Variants in OGFOD1 observed in about 807,000 individuals in gnomAD.
OGFOD1 encodes the protein prolyl 3-hydroxylase OGFOD1.
OGFOD1 carries 54 observed loss-of-function variants against 67.7 expected under a neutral mutation model. The ratio of observed to expected loss-of-function variants is 0.80; its 90% CI spans 0.64 to 1.00. The LOEUF (loss-of-function observed/expected upper bound fraction) is 1.00. OGFOD1 is among the 50% of genes least tolerant of loss of function. The pLI is 0.00. For synonymous variants in OGFOD1, 221 were observed against 227.0 expected (o/e 0.97, Z 0.24); for missense variants, 606 against 646.7 (o/e 0.94, Z 0.68).
intron 10 of OGFOD1, among the ~76,000 whole-genome samples, chr16:56,471,379 A>G (rs938409552): frequency 6.6e-6 from 1 of 151,982 alleles, no homozygotes; most frequent in Non-Finnish European, 1.5e-5. Context: ...AAAAAAAAAA[A>G]AGAAATGACT....
intron 1 of OGFOD1, among the ~76,000 whole-genome samples, chr16:56,452,806 C>T (rs2143960153): frequency 6.6e-6 from 1 of 151,976 alleles, no homozygotes; most frequent in African/African-American, 2.4e-5. Flanking sequence ...TGGTTATGCC[C>T]GAACTGAACT....
chr16:56,457,243 A>G (rs76730256), intron 2 of OGFOD1, among the ~76,000 whole-genome samples: 2,942 of 152,384 alleles, frequency 0.019, 100 homozygotes, highest in African/African-American at 0.066. Flanking sequence ...ATTAAAAGGA[A>G]TGACGTACTG....
intron 1 of OGFOD1, 90 bp from the exon 2 acceptor site, chr16:56,453,173 C>A: frequency 7.5e-7 from 1 of 1,341,504 alleles, no homozygotes; most frequent in Non-Finnish European, 1.0e-6. Context: ...AAATTCATGA[C>A]CATCCCCTTT....
intron 3 of OGFOD1, among the ~76,000 whole-genome samples, chr16:56,460,156 A>G (rs1175008047): frequency 6.6e-6 from 1 of 152,220 alleles, no homozygotes; most frequent in African/African-American, 2.4e-5. Context: ...TTAAGGCATT[A>G]TCCCCTTAGT....
In OGFOD1 at chr16:56,467,239, GC is replaced by G. The variant is rs1408686583; in HGVS notation, c.734del (p.Pro245LeufsTer51). On this transcript the variant is annotated frameshift_variant, in exon 7 of 13. Transcript: ENST00000566157. LOFTEE classifies it high-confidence loss of function. Reference sequence around the variant, plus strand: ...GGTTTCATGGTCCATCATTGACTCGGCCTCCCAACTACTTTGAACCCCCCAT... The same window carrying G: ...GGTTTCATGGTCCATCATTGACTCGGCTCCCAACTACTTTGAACCCCCCAT... ...GWFHGPSLTR[P>X]PNYFEPPIPR... 6.2e-7 allele frequency: 1 copy of G among 1,613,798 alleles called. No individual in the cohort carries two copies. Among genetic ancestry groups the G allele is most frequent in the African/African-American group, 1.3e-5 (1 of 74,832 alleles).
At chr16:56,475,091 A>AT in intron 11 of OGFOD1, 141 bp downstream of exon 11, 2 of 846,744 alleles carry the variant, frequency 2.4e-6, no homozygotes, top group South Asian at 3.6e-5. Context: ...AGTCAAAGGG[A>AT]TTTTACGGGT....
chr16:56,466,966 A>G lies in OGFOD1; in HGVS notation c.656A>G (p.Gln219Arg). ...FFEVSPVSFH[Q>R]VSEVLSEEKS... Reference sequence around the variant, plus strand: ...GAAGTATCTCCTGTGTCCTTTCACCAGGTAAAGACTGTAAGCCACAAATAG... The same window carrying G: ...GAAGTATCTCCTGTGTCCTTTCACCGGGTAAAGACTGTAAGCCACAAATAG... The change falls in exon 6 of 13, where the codon CAG becomes CGG. Residue 219 changes from glutamine (Q) to arginine (R), a missense_variant and splice_region_variant. By Grantham distance (43) the Gln-to-Arg change is conservative (BLOSUM62 1). Transcript: ENST00000566157. The G allele has an allele frequency of 6.2e-7, 1 of 1,606,334 alleles. No homozygotes were observed.
At position 56,453,342 on chromosome 16, in the gene OGFOD1, G is replaced by C; in HGVS notation, c.234G>C (p.Gly78=). 1 of 1,614,102 alleles carries C rather than the reference G, an allele frequency of 6.2e-7. No individual in the cohort carries two copies. The highest frequency in any genetic ancestry group is 8.5e-7 in the Non-Finnish European group (1 of 1,179,988). The change falls in exon 2 of 13, where the codon GGG becomes GGC. Residue 78 remains glycine, a synonymous_variant. Transcript: ENST00000566157. ...TCCAAAGCCAAGACTTCTTAGAAGG[G>C]CTTCAGAAGGAACTGATGAACTTGG... ...NFIQSQDFLE[G]LQKELMNLDF... is the part of the protein sequence containing the mutation.
intron 9 of OGFOD1, 84 bp from the exon 10 acceptor site, chr16:56,470,403 T>TA: frequency 8.1e-7 from 1 of 1,239,904 alleles, no homozygotes; most frequent in Non-Finnish European, 1.1e-6. Context: ...GGAAGAGAGG[T>TA]ACAAAGCTAA....
At chr16:56,473,024 G>A (rs1435804218) in intron 10 of OGFOD1, among the ~76,000 whole-genome samples, 5 of 152,112 alleles carry the variant, frequency 3.3e-5, no homozygotes, top group Admixed American at 6.5e-5. Flanking sequence ...TCCGTCTTCC[G>A]GGTTCAAGCG....
At chr16:56,459,649 A>G (rs1204971206) in intron 3 of OGFOD1, among the ~76,000 whole-genome samples, 1 of 152,186 alleles carries the variant, frequency 6.6e-6, no homozygotes, top group Non-Finnish European at 1.5e-5. Flanking sequence ...ACTTTAATTG[A>G]CAGCATTTTT....
Position 56,476,090 on chromosome 16 carries a change from G to A in OGFOD1, c.1514G>A (p.Arg505Lys). ...PESNSLALVY[R>K]DRETLKFVKH... ...AGCAATTCTTTGGCATTGGTCTACAGAGACAGAGAGACTCTGAAATTTGTC... is the reference window on the plus strand; with the variant it reads ...AGCAATTCTTTGGCATTGGTCTACAAAGACAGAGAGACTCTGAAATTTGTC... The change falls in exon 13 of 13, where the codon AGA becomes AAA. Residue 505 changes from arginine (R) to lysine (K), a missense_variant. Arg to Lys is a conservative substitution (Grantham distance 26, BLOSUM62 2). Coordinates refer to ENST00000566157, the MANE Select transcript of OGFOD1 (RefSeq NM_018233.4). 6.2e-7 allele frequency: 1 copy of A among 1,613,940 alleles called. No homozygotes were observed. The highest frequency in any genetic ancestry group is 1.3e-5 in the African/African-American group (1 of 75,046).
rs1962749114 is a variant in OGFOD1, at chr16:56,462,597, AACC to A, written c.413_415del (p.Thr138del). The stretch of plus-strand genomic sequence containing the variant: ...ATATTTCTAAAATTGACCTGGAATC[AACC>A]ATTGACATGTCCTGTGCTAAATATG... On this transcript the variant is annotated inframe_deletion, in exon 4 of 13. Coordinates refer to ENST00000566157, the MANE Select transcript of OGFOD1 (RefSeq NM_018233.4). 1 of 1,612,292 alleles carries A rather than the reference AACC, an allele frequency of 6.2e-7. No individual in the cohort carries two copies. The highest frequency in any genetic ancestry group is 2.2e-5 in the East Asian group (1 of 44,848).
At chr16:56,462,747 C>T (rs1191842320) in intron 4 of OGFOD1, 113 bp downstream of exon 4, 2 of 652,684 alleles carry the variant, frequency 3.1e-6, no homozygotes. Context: ...TGCAAAGCAT[C>T]CGGATCTTCC....
chr16:56,453,275 T>C lies in OGFOD1; in HGVS notation c.167T>C (p.Met56Thr). 6.2e-7 allele frequency: 1 copy of C among 1,608,078 alleles called. No individual in the cohort carries two copies. The highest frequency in any genetic ancestry group is 8.5e-7 in the Non-Finnish European group (1 of 1,178,532). ...RTPFSHEVIV[M>T]DMDPFLHCVI... ...TTTCTTCCAACAGAAGTCATTGTCA[T>C]GGACATGGACCCTTTTCTTCACTGT... is the stretch of plus-strand genomic sequence containing the variant. Residue 56 changes from methionine to threonine, a missense_variant, in exon 2 of 13, where the codon ATG (methionine) becomes ACG (threonine). Coordinates refer to ENST00000566157, the MANE Select transcript of OGFOD1 (RefSeq NM_018233.4).
intron 4 of OGFOD1, 25 bp downstream of exon 4, chr16:56,462,659 C>A: frequency 1.5e-6 from 2 of 1,366,000 alleles, no homozygotes; most frequent in South Asian, 1.2e-5. Context: ...GGCCTGGTGT[C>A]TGTAAGATAT....
chr16:56,463,491 C>T lies in OGFOD1; in HGVS notation c.448+857C>T, dbSNP rs558550432. ...AGGCTGGAATGCAGTGGCGTGATCT[C>T]GGCCCACTGCATCCTCCACCTCCCG... is the stretch of plus-strand genomic sequence containing the variant. On this transcript the variant is annotated intron_variant, in intron 4 of 12. Transcript: ENST00000566157. 4.3e-5 allele frequency among the ~76,000 whole-genome samples: 6 copies of T among 140,096 alleles called. No homozygotes were observed. In the South Asian group the frequency reaches 7.1e-4, roughly 17 times the overall value. The allele number at this position is 140,096 out of a possible 152,430, so 91.9% of individuals were successfully genotyped here.
chr16:56,465,632 C>A (rs1962869170), intron 4 of OGFOD1: 2 of 153,284 alleles, frequency 1.3e-5, no homozygotes, highest in African/African-American at 4.8e-5. Context: ...GATCCATGTA[C>A]AATAATGTTC....
In OGFOD1 at chr16:56,474,782, A is replaced by T. The variant is rs753873728; in HGVS notation, c.1286-46A>T. Reference sequence around the variant, plus strand: ...GATTCCCTTGCAATCCAACAGTTCTATCAAGGTTATTTTTTAAAGTTTCTC... The same window carrying T: ...GATTCCCTTGCAATCCAACAGTTCTTTCAAGGTTATTTTTTAAAGTTTCTC... On this transcript the variant is annotated intron_variant, in intron 10 of 12. Coordinates refer to ENST00000566157, the MANE Select transcript of OGFOD1 (RefSeq NM_018233.4). The T allele has an allele frequency of 1.1e-5, 17 of 1,538,622 alleles. No individual in the cohort carries two copies. The East Asian group carries it at 3.6e-4, about 33-fold the overall frequency.
Sources: gnomAD v4.1 joint callset for allele counts (sites outside exome capture counted in the v4.1 genomes callset) on GRCh38, gnomAD v4.1.1 for gene constraint, MANE v1.5 for transcripts, NCBI Gene and HGNC (gene_info 2026-07-23, HGNC 2026-07-21) for gene names.